Variants in LRRC34 observed in about 807,000 individuals in gnomAD.
LRRC34 encodes the protein leucine-rich repeat-containing protein 34.
A neutral mutation model predicts 48.5 loss-of-function variants in LRRC34; 44 were observed. The observed-to-expected ratio is 0.91, with a 90% CI of 0.71 to 1.17. The LOEUF (loss-of-function observed/expected upper bound fraction) is 1.17. LRRC34 is among the 50% of genes most tolerant of loss of function. LRRC34 has a pLI of 0.00. For synonymous variants in LRRC34, 192 were observed against 197.6 expected (o/e 0.97, Z 0.24); for missense variants, 502 against 563.0 (o/e 0.89, Z 1.10).
intron 1 of LRRC34, among the ~76,000 whole-genome samples, chr3:169,809,516 C>G (rs1449315941): frequency 6.6e-6 from 1 of 152,196 alleles, no homozygotes; most frequent in Non-Finnish European, 1.5e-5. Context: ...TTGAGATCTC[C>G]TTTCTGTTAT....
rs1477243542 is a variant in LRRC34, at chr3:169,809,112, GC to G, written c.140-368del. On this transcript the variant is annotated intron_variant, in intron 1 of 10. Coordinates refer to ENST00000446859, the MANE Select transcript of LRRC34 (RefSeq NM_001172779.2). ...AATTGTATATTTTGTCCAAAACCAT[GC>G]AGCTAATAAAGGCAGAGTGCAGAAT... Among the ~76,000 whole-genome samples the G allele has an allele frequency of 4.0e-5, 6 of 151,712 alleles. No homozygotes were observed. In the East Asian group the frequency reaches 1.2e-3, roughly 29 times the overall value.
chr3:169,795,941 G>C (rs1193757455), intron 9 of LRRC34: 1 of 1,179,206 alleles, frequency 8.5e-7, no homozygotes, highest in Non-Finnish European at 1.1e-6. Flanking sequence ...CATATTGAAT[G>C]CTTCTGAGTT....
At position 169,793,799 on chromosome 3, in the gene LRRC34, C is replaced by T. The variant is rs1778881962; in HGVS notation, c.1231G>A (p.Asp411Asn). Residue 411 changes from aspartate (D) to asparagine (N), a missense_variant, in exon 11 of 11, where the codon GAC becomes AAC. Asp to Asn is a conservative substitution (Grantham distance 23, BLOSUM62 1). Coordinates refer to ENST00000446859, the MANE Select transcript of LRRC34 (RefSeq NM_001172779.2). ...ACAAATGGCTCCACATCTGTATTGT[C>T]TGGTTTTAGACAACCCATTTGAATT... ...DLIQMGCLKP[D>N]NTDVEPFVVD... 6.2e-7 allele frequency: 1 copy of T among 1,613,452 alleles called. No individual in the cohort carries two copies. Among genetic ancestry groups the T allele is most frequent in the South Asian group, 1.1e-5 (1 of 90,946 alleles).
At position 169,812,666 on chromosome 3, in the gene LRRC34, C is replaced by T; in HGVS notation, c.-118G>A. ...CTGCCCGGGCCCTGAGGCCTCACTG[C>T]TAAGGCAGTGACCGCCTACTCTGTG... On this transcript the variant is annotated 5_prime_UTR_variant, in exon 1 of 11. Coordinates refer to ENST00000446859, the MANE Select transcript of LRRC34 (RefSeq NM_001172779.2). The surrounding 1 kb of genome is among the most constrained non-coding windows in gnomAD (Gnocchi z 4.3). The T allele has an allele frequency of 2.2e-6, 3 of 1,348,122 alleles. No individual in the cohort carries two copies. The South Asian group carries it at 4.9e-5, about 22-fold the overall frequency. 83.5% of individuals were successfully genotyped at this position (1,348,122 alleles called of 1,614,324 possible).
At chr3:169,801,560 T>C (rs1779193961) in intron 6 of LRRC34, among the ~76,000 whole-genome samples, 1 of 152,176 alleles carries the variant, frequency 6.6e-6, no homozygotes, top group Non-Finnish European at 1.5e-5. Flanking sequence ...ATTTGCTTTT[T>C]CCATGATTTT....
Position 169,812,490 on chromosome 3 carries a change from G to T in LRRC34, c.59C>A (p.Ala20Asp). ...CGGGGACCTGGCCGGCGCACGGGCG[G>T]CCTCCCGGGAGCTCCCCATGCTCCT... ...GERSMGSSRE[A>D]ARAPARSPAW... Residue 20 changes from alanine to aspartate, a missense_variant, in exon 1 of 11, where the codon GCC becomes GAC. Physicochemically the swap from Ala to Asp is moderately radical, Grantham distance 126. Coordinates refer to ENST00000446859, the MANE Select transcript of LRRC34 (RefSeq NM_001172779.2). The surrounding 1 kb of genome is among the most constrained non-coding windows in gnomAD (Gnocchi z 4.3). 6.5e-7 allele frequency: 1 copy of T among 1,527,900 alleles called. No homozygotes were observed. The highest frequency in any genetic ancestry group is 8.7e-7 in the Non-Finnish European group (1 of 1,143,670). 94.6% of individuals were successfully genotyped at this position (1,527,900 alleles called of 1,614,324 possible). A position where few individuals can be genotyped will look rare whatever the true frequency, so the allele number is the denominator to read the frequency against.
chr3:169,812,832 C>A lies in LRRC34; in HGVS notation c.-284G>T, dbSNP rs896133543. 2.4e-6 allele frequency: 1 copy of A among 422,092 alleles called. No homozygotes were observed. Among genetic ancestry groups the A allele is most frequent in the Non-Finnish European group, 4.2e-6 (1 of 238,274 alleles). 26.1% of individuals were successfully genotyped at this position (422,092 alleles called of 1,614,324 possible). A position where few individuals can be genotyped will look rare whatever the true frequency, so the allele number is the denominator to read the frequency against. On this transcript the variant is annotated 5_prime_UTR_variant, in exon 1 of 11. Coordinates refer to ENST00000446859, the MANE Select transcript of LRRC34 (RefSeq NM_001172779.2). The surrounding 1 kb of genome is among the most constrained non-coding windows in gnomAD (Gnocchi z 4.3). ...GCTACAAAGAAGATTATGACAAAGC[C>A]CGCTCCTACAAAGTGTGCACCGGCC...
At chr3:169,796,181 T>C in intron 9 of LRRC34, 33 bp downstream of exon 9, 1 of 1,557,786 alleles carries the variant, frequency 6.4e-7, no homozygotes, top group Non-Finnish European at 8.6e-7. Flanking sequence ...TTTGCTTTTC[T>C]GTTATTTTGA....
chr3:169,804,806 C>T (rs1470681470), intron 5 of LRRC34, among the ~76,000 whole-genome samples: 2 of 152,094 alleles, frequency 1.3e-5, no homozygotes, highest in Non-Finnish European at 2.9e-5. Context: ...AGGTGAAATT[C>T]ACATAACATA....
intron 7 of LRRC34, among the ~76,000 whole-genome samples, chr3:169,797,268 T>C (rs923780017): frequency 1.2e-4 from 18 of 152,190 alleles, no homozygotes; most frequent in African/African-American, 3.9e-4. Context: ...AAACCTTTCT[T>C]ATACCTTCCA....
chr3:169,796,428 A>G, intron 8 of LRRC34, 59 bp from the exon 9 acceptor site: 1 of 1,537,740 alleles, frequency 6.5e-7, no homozygotes, highest in East Asian at 2.3e-5. Context: ...ATTCATAGTG[A>G]TAAGATGCTT....
chr3:169,793,701 A>G lies in LRRC34; in HGVS notation c.1329T>C (p.Tyr443=), dbSNP rs146621484. ...TAGATGAGTGGTCATAAGATTCTCC[A>G]TAAGTTGATGTCCAATAATAATGCT... ...LKKHYYWTST[Y]GESYDHSSNA... is the part of the protein sequence containing the mutation. Residue 443 remains tyrosine (Y), a synonymous_variant, in exon 11 of 11, where the codon TAT becomes TAC. Coordinates refer to ENST00000446859, the MANE Select transcript of LRRC34 (RefSeq NM_001172779.2). 7.4e-6 allele frequency: 12 copies of G among 1,613,902 alleles called. No individual in the cohort carries two copies. Among genetic ancestry groups the G allele is most frequent in the South Asian group, 5.5e-5 (5 of 91,080 alleles).
At chr3:169,804,890 G>T (rs111960134) in intron 5 of LRRC34, among the ~76,000 whole-genome samples, 2,180 of 152,230 alleles carry the variant, frequency 0.014, 20 homozygotes, top group Middle Eastern at 0.027. Flanking sequence ...ATCACCTGTA[G>T]CTAGTTCCAA....
intron 5 of LRRC34, among the ~76,000 whole-genome samples, chr3:169,804,586 C>T (rs549619270): frequency 8.8e-5 from 13 of 148,350 alleles, no homozygotes; most frequent in African/African-American, 1.4e-4. Flanking sequence ...TGAGCCACCG[C>T]GCCCAGCCAG....
chr3:169,801,307 C>A (rs779653313), intron 6 of LRRC34, among the ~76,000 whole-genome samples: 4 of 152,096 alleles, frequency 2.6e-5, no homozygotes, highest in Non-Finnish European at 5.9e-5. Context: ...TTCCTCTTAC[C>A]TTCCCATCCA....
intron 1 of LRRC34, among the ~76,000 whole-genome samples, chr3:169,810,995 T>C (rs1329496354): frequency 4.6e-5 from 7 of 151,952 alleles, no homozygotes; most frequent in Non-Finnish European, 8.8e-5. Flanking sequence ...ATGCGGGAGG[T>C]GGAGGTTACA....
intron 8 of LRRC34, 114 bp downstream of exon 8, chr3:169,796,631 A>G: frequency 8.8e-7 from 1 of 1,132,136 alleles, no homozygotes; most frequent in Non-Finnish European, 1.2e-6. Context: ...AATTGGTTGC[A>G]GTTTCTAATC....
At position 169,796,349 on chromosome 3, in the gene LRRC34, C is replaced by A; in HGVS notation, c.929G>T (p.Gly310Val). ...CAGTACATCAGCCAAATACACCATT[C>A]CATCATGAGTTATTTTGTTGCTGGC... ...DVSCNKITHD[G>V]MVYLADVLKS... The change falls in exon 9 of 11, where the codon GGA becomes GTA. Residue 310 changes from glycine to valine, a missense_variant. Transcript: ENST00000446859. The A allele has an allele frequency of 6.2e-7, 1 of 1,603,784 alleles. No homozygotes were observed. Among genetic ancestry groups the A allele is most frequent in the Non-Finnish European group, 8.5e-7 (1 of 1,177,546 alleles).
Position 169,807,459 on chromosome 3 carries a change from A to G in LRRC34, c.411T>C (p.Asp137=). The change falls in exon 4 of 11, where the codon GAT becomes GAC. Residue 137 remains aspartate (D), a synonymous_variant. Coordinates refer to ENST00000446859, the MANE Select transcript of LRRC34 (RefSeq NM_001172779.2). ...GTTTCGCAGCATAGTATGCACCAAC[A>G]TCACATAGAAGGTTATATCCAACAT... ...GLDVGYNLLC[D]VGAYYAAKLL... 4 of 1,614,058 alleles carry G rather than the reference A, an allele frequency of 2.5e-6. No individual in the cohort carries two copies. Among genetic ancestry groups the G allele is most frequent in the Non-Finnish European group, 3.4e-6 (4 of 1,179,972 alleles).
Sources: gnomAD v4.1 joint callset for allele counts (sites outside exome capture counted in the v4.1 genomes callset) on GRCh38, gnomAD v4.1.1 for gene constraint, Gnocchi (gnomAD v3.1) non-coding constraint, MANE v1.5 for transcripts, NCBI Gene and HGNC (gene_info 2026-07-23, HGNC 2026-07-21) for gene names.